MORC2: variants seen among roughly 807,000 people sequenced by gnomAD.
The protein encoded by MORC2 is ATPase MORC2.
Under a neutral mutation model 136.0 loss-of-function variants are expected in MORC2, and 30 were observed. The ratio of observed to expected loss-of-function variants is 0.22; its 90% CI spans 0.17 to 0.30. The LOEUF is 0.30. MORC2 is among the 10% of genes least tolerant of loss of function. MORC2 has a pLI of 1.00. For missense variants in MORC2, 922 were observed against 1,333.1 expected, an observed-to-expected ratio of 0.69 and a Z score of 4.80; for synonymous variants, 439 against 487.0, an observed-to-expected ratio of 0.90 and a Z score of 1.30.
In MORC2 at chr22:30,937,794, C is replaced by T. The variant is rs1429543051; in HGVS notation, c.1369+21G>A. On this transcript the variant is annotated intron_variant, in intron 14 of 25. Transcript: ENST00000397641. This position sits in a 1 kb window ranked among gnomAD's most constrained non-coding sequence, Gnocchi z 4.7. ...TCAGGTGAAGAGAAAAGGCAGAGGC[C>T]CAGCAGCCCAGCCCCATTACCGATG... The T allele has an allele frequency of 6.2e-7, 1 of 1,613,882 alleles. No individual in the cohort carries two copies. Among genetic ancestry groups the T allele is most frequent in the African/African-American group, 1.3e-5 (1 of 74,876 alleles).
In MORC2 at chr22:30,934,647, G is replaced by A. The variant is rs1456785482; in HGVS notation, c.2193+134C>T. ...GTCCGTTCAGCTATCAAGGCTTCCC[G>A]TCCTCAGGGGCAGCAGCAAAGCTTT... is the stretch of plus-strand genomic sequence containing the variant. On this transcript the variant is annotated intron_variant, in intron 19 of 25. Coordinates refer to ENST00000397641, the MANE Select transcript of MORC2 (RefSeq NM_001303256.3). The surrounding 1 kb of genome is among the most constrained non-coding windows in gnomAD (Gnocchi z 4.4). The A allele has an allele frequency of 2.7e-5, 35 of 1,295,978 alleles. No homozygotes were observed. Among genetic ancestry groups the A allele is most frequent in the Admixed American group, 8.5e-5 (4 of 47,328 alleles). 80.3% of individuals were successfully genotyped at this position (1,295,978 alleles called of 1,614,324 possible).
intron 2 of MORC2, among the ~76,000 whole-genome samples, chr22:30,957,727 G>C (rs1023875774): frequency 6.6e-6 from 1 of 152,182 alleles, no homozygotes; most frequent in Non-Finnish European, 1.5e-5. Context: ...ATGGAAAAAT[G>C]ATGAGTCAAC....
At position 30,929,625 on chromosome 22, in the gene MORC2, G is replaced by A. The variant is rs144707059; in HGVS notation, c.2842-1418C>T. Reference sequence around the variant, plus strand: ...TAGCCAGGCGTGGTGGCGGGTGCCTGTAGTCCCAGCTACTCAGGAGGCTGA... The same window carrying A: ...TAGCCAGGCGTGGTGGCGGGTGCCTATAGTCCCAGCTACTCAGGAGGCTGA... On this transcript the variant is annotated intron_variant, in intron 24 of 25. Transcript: ENST00000397641. Among the ~76,000 whole-genome samples, 733 of 152,250 alleles carry A rather than the reference G, an allele frequency of 4.8e-3. 1 individual carries two copies. The highest frequency in any genetic ancestry group is 0.017 in the Middle Eastern group (5 of 294).
At chr22:30,965,241 A>T (rs1395495452) in intron 1 of MORC2, among the ~76,000 whole-genome samples, 2 of 152,244 alleles carry the variant, frequency 1.3e-5, no homozygotes, top group African/African-American at 4.8e-5. Flanking sequence ...TGTAGATGTC[A>T]GACACCATGA....
In MORC2 at chr22:30,927,976, A is replaced by G. The variant is rs987163359; in HGVS notation, c.3030+43T>C. 1.9e-6 allele frequency: 3 copies of G among 1,608,062 alleles called. No individual in the cohort carries two copies. In the African/African-American group the frequency reaches 4.0e-5, roughly 22 times the overall value. On this transcript the variant is annotated intron_variant, in intron 25 of 25. Coordinates refer to ENST00000397641, the MANE Select transcript of MORC2 (RefSeq NM_001303256.3). ...CAGGGCCCAGGCCCCCCTCCCTGAGAGACCAGGTGGTCCAGCTGCAACAGG... is the reference window on the plus strand; with the variant it reads ...CAGGGCCCAGGCCCCCCTCCCTGAGGGACCAGGTGGTCCAGCTGCAACAGG...
chr22:30,960,193 C>T (rs1251641612), intron 1 of MORC2, among the ~76,000 whole-genome samples: 1 of 152,172 alleles, frequency 6.6e-6, no homozygotes, highest in Non-Finnish European at 1.5e-5. Flanking sequence ...TCTCAAACTC[C>T]TGACCTCAGG....
intron 25 of MORC2, among the ~76,000 whole-genome samples, chr22:30,927,119 A>G (rs1377444380): frequency 3.3e-5 from 5 of 151,870 alleles, no homozygotes; most frequent in Admixed American, 1.3e-4. Context: ...TCTTAGATGT[A>G]TATTTCCCTC....
At chr22:30,954,651 T>G (rs1159200304) in intron 3 of MORC2, among the ~76,000 whole-genome samples, 1 of 152,182 alleles carries the variant, frequency 6.6e-6, no homozygotes, top group African/African-American at 2.4e-5. Context: ...TCATTTAAAT[T>G]GAAATCCAAC....
chr22:30,940,948 G>T, intron 9 of MORC2, 111 bp from the exon 10 acceptor site: 1 of 901,408 alleles, frequency 1.1e-6, no homozygotes. Flanking sequence ...GTGCTGTCCT[G>T]GCCCCTCATG....
intron 2 of MORC2, 120 bp downstream of exon 2, chr22:30,958,521 G>T: frequency 1.5e-6 from 1 of 647,600 alleles, no homozygotes; most frequent in Non-Finnish European, 2.5e-6. Context: ...CATCCTAGGA[G>T]TTACAGAATG....
Position 30,967,048 on chromosome 22 carries a change from G to C in MORC2, c.68+774C>G, listed in dbSNP as rs1353013068. The C allele has an allele frequency of 5.2e-6, 5 of 961,588 alleles. No homozygotes were observed. The African/African-American group carries it at 5.3e-5, about 10-fold the overall frequency. The allele number at this position is 961,588 out of a possible 1,614,324, so 59.6% of individuals were successfully genotyped here. A position where few individuals can be genotyped will look rare whatever the true frequency, so the allele number is the denominator to read the frequency against. On this transcript the variant is annotated intron_variant, in intron 1 of 25. Transcript: ENST00000397641. ...CTGCTCATCTCCTCTCCAGGTACTA[G>C]AATGTTAGAACACTTACCTTCATCT...
chr22:30,967,680 C>G, intron 1 of MORC2, 142 bp downstream of exon 1: 3 of 1,466,890 alleles, frequency 2.0e-6, no homozygotes, highest in Non-Finnish European at 1.8e-6. Context: ...CAATACAGAG[C>G]TCAAGATATC....
rs562815636 is a variant in MORC2 at position 30,967,781 on chromosome 22, C to T, written c.68+41G>A. ...ACGATTTCCATATAATATCAAGGAA[C>T]GAGTTACTGGTTACCTCAGTGGCAC... On this transcript the variant is annotated intron_variant, in intron 1 of 25. Transcript: ENST00000397641. 64 of 1,548,232 alleles carry T rather than the reference C, an allele frequency of 4.1e-5. 1 individual carries two copies. Among genetic ancestry groups the T allele is most frequent in the East Asian group, 1.5e-4 (6 of 40,862 alleles).
At chr22:30,963,676 C>T (rs1187567684) in intron 1 of MORC2, among the ~76,000 whole-genome samples, 1 of 152,066 alleles carries the variant, frequency 6.6e-6, no homozygotes, top group Non-Finnish European at 1.5e-5. Flanking sequence ...ATGAGCCAAC[C>T]GCGCCTGGCT....
At chr22:30,950,339 A>AACAC in intron 4 of MORC2, 38 bp downstream of exon 4, 1 of 539,980 alleles carries the variant, frequency 1.9e-6, no homozygotes, top group Non-Finnish European at 3.5e-6. Context: ...GTTACATCGC[A>AACAC]CCCCCCCACC....
chr22:30,950,340 C>CACA, intron 4 of MORC2, 37 bp downstream of exon 4: 3 of 432,058 alleles, frequency 6.9e-6, no homozygotes, highest in South Asian at 2.3e-5. Flanking sequence ...TTACATCGCA[C>CACA]CCCCCCACCC....
intron 1 of MORC2, chr22:30,967,445 T>C: frequency 9.9e-7 from 1 of 1,006,668 alleles, no homozygotes; most frequent in East Asian, 1.1e-4. Context: ...AACCTAACTG[T>C]TTAGGACGTT....
chr22:30,942,235 G>A lies in MORC2; in HGVS notation c.463C>T (p.Arg155Trp), dbSNP rs775518683. Residue 155 changes from arginine to tryptophan, a missense_variant, in exon 7 of 26, where the codon CGG becomes TGG. By Grantham distance (101) the Arg-to-Trp change is moderately radical. This residue lies in a region of MORC2 where 261 missense variants were observed against 354.3 expected (regional missense o/e 0.74). Transcript: ENST00000397641. The part of the protein sequence containing the change: ...VPLPTWNART[R>W]EPVTDNVEKF... ...TCTACATTGTCTGTGACAGGTTCCC[G>A]GGTCCGAGCATTCCAGGTGGGCAGT... The A allele has an allele frequency of 1.5e-5, 25 of 1,613,334 alleles. No individual in the cohort carries two copies. Among genetic ancestry groups the A allele is most frequent in the Admixed American group, 5.0e-5 (3 of 60,004 alleles).
rs770361627 is a variant in MORC2 at position 30,941,537 on chromosome 22, G to T, written c.720C>A (p.Phe240Leu). 6.2e-7 allele frequency: 1 copy of T among 1,613,712 alleles called. No homozygotes were observed. Among genetic ancestry groups the T allele is most frequent in the East Asian group, 2.2e-5 (1 of 44,866 alleles). ...TATAGAGCACAGCGGCATAGGCACG[G>T]AACGAGCGCCGCTCTGGCTTCCTGG... is the stretch of plus-strand genomic sequence containing the variant. ...PEGTKPERRS[F>L]RAYAAVLYID... The change falls in exon 9 of 26, where the codon TTC becomes TTA. Residue 240 changes from phenylalanine (F) to leucine (L), a missense_variant. Physicochemically the swap from Phe to Leu is conservative, Grantham distance 22 (BLOSUM62 0). Coordinates refer to ENST00000397641, the MANE Select transcript of MORC2 (RefSeq NM_001303256.3). This position sits in a 1 kb window ranked among gnomAD's most constrained non-coding sequence, Gnocchi z 4.6.
Sources: gnomAD v4.1 joint callset for allele counts (sites outside exome capture counted in the v4.1 genomes callset) on GRCh38, gnomAD v4.1.1 for gene constraint, gnomAD v4.1.1 regional missense constraint, Gnocchi (gnomAD v3.1) non-coding constraint, MANE v1.5 for transcripts, NCBI Gene and HGNC (gene_info 2026-07-23, HGNC 2026-07-21) for gene names.